Variants in GRXCR1 observed in about 807,000 individuals in gnomAD.
GRXCR1 encodes the protein glutaredoxin and cysteine rich domain containing 1, also known as glutaredoxin domain-containing cysteine-rich protein 1.
In GRXCR1, 27 loss-of-function variants were observed where a neutral mutation model predicts 27.3. The ratio of observed to expected loss-of-function variants is 0.99; its 90% CI spans 0.73 to 1.37. GRXCR1 has a LOEUF of 1.37. Ranked by LOEUF, GRXCR1 falls within the 40% of genes most tolerant of loss-of-function variation. GRXCR1 has a pLI of 0.00. For missense variants in GRXCR1, 379 were observed against 354.4 expected, an observed-to-expected ratio of 1.07 and a Z score of -0.56; for synonymous variants, 122 against 131.1, an observed-to-expected ratio of 0.93 and a Z score of 0.47.
rs116577981 is a variant in GRXCR1, at chr4:42,958,170, C to G, written c.385-4722C>G. ...CATACCAATGCCAGGAATGCTGTGA[C>G]TCTTGCAAACTTTGCTTCTTAACCC... On this transcript the variant is annotated intron_variant, in intron 1 of 3. Coordinates refer to ENST00000399770, the MANE Select transcript of GRXCR1 (RefSeq NM_001080476.3). Among the ~76,000 whole-genome samples, 1,162 of 152,160 alleles carry G rather than the reference C, an allele frequency of 7.6e-3. 4 individuals carry two copies. The highest frequency in any genetic ancestry group is 0.018 in the South Asian group (87 of 4,824).
intron 2 of GRXCR1, among the ~76,000 whole-genome samples, chr4:42,982,883 G>A (rs1273740770): frequency 1.1e-4 from 16 of 151,756 alleles, no homozygotes; most frequent in South Asian, 2.1e-4. Context: ...CATGTCCTTC[G>A]CCCACTTTTT....
At chr4:42,965,312 TAGAG>T (rs1164804929) in intron 2 of GRXCR1, among the ~76,000 whole-genome samples, 3 of 152,070 alleles carry the variant, frequency 2.0e-5, no homozygotes, top group African/African-American at 7.2e-5. Flanking sequence ...GCTCTGAACC[TAGAG>T]AGAGTCCAGA....
At chr4:42,987,264 A>ATAT (rs1302718922) in intron 2 of GRXCR1, among the ~76,000 whole-genome samples, 4 of 101,898 alleles carry the variant, frequency 3.9e-5, no homozygotes, top group Non-Finnish European at 7.6e-5. Flanking sequence ...TATATATAAT[A>ATAT]TATATATATA....
chr4:42,975,498 A>G (rs1016832046), intron 2 of GRXCR1, among the ~76,000 whole-genome samples: 5 of 152,122 alleles, frequency 3.3e-5, no homozygotes, highest in Non-Finnish European at 7.4e-5. Context: ...GTGATTTAAT[A>G]ACACCTAATA....
intron 1 of GRXCR1, among the ~76,000 whole-genome samples, chr4:42,923,494 T>A (rs1348080214): frequency 3.3e-5 from 5 of 152,240 alleles, no homozygotes; most frequent in Non-Finnish European, 5.9e-5. Flanking sequence ...GGACTATTTA[T>A]CCAAATGTTT....
intron 1 of GRXCR1, among the ~76,000 whole-genome samples, chr4:42,906,296 A>G (rs1746589790): frequency 1.3e-5 from 2 of 152,176 alleles, no homozygotes; most frequent in Admixed American, 1.3e-4. Context: ...CCAATTTTAA[A>G]AAGATGTGCA....
At chr4:43,008,056 G>C (rs1006526154) in intron 2 of GRXCR1, among the ~76,000 whole-genome samples, 4 of 151,812 alleles carry the variant, frequency 2.6e-5, no homozygotes, top group Non-Finnish European at 5.9e-5. Flanking sequence ...GTTTTATCTA[G>C]TTTTCATTGA....
chr4:42,987,241 A>ATTATAT (rs1276367661), intron 2 of GRXCR1, among the ~76,000 whole-genome samples: 109 of 66,448 alleles, frequency 1.6e-3, no homozygotes, highest in South Asian at 4.1e-3. Context: ...ATATATATAT[A>ATTATAT]ATATATAATA....
chr4:42,981,763 CCTT>C (rs1748675514), intron 2 of GRXCR1, among the ~76,000 whole-genome samples: 1 of 152,134 alleles, frequency 6.6e-6, no homozygotes, highest in Non-Finnish European at 1.5e-5. Context: ...CCCACTCTCT[CCTT>C]GTCTTATGGT....
chr4:42,918,592 C>G (rs566488355), intron 1 of GRXCR1, among the ~76,000 whole-genome samples: 4 of 152,246 alleles, frequency 2.6e-5, no homozygotes, highest in Admixed American at 2.6e-4. Flanking sequence ...GATGACAACA[C>G]CAAGAATATT....
intron 1 of GRXCR1, among the ~76,000 whole-genome samples, chr4:42,960,099 C>G (rs1748098002): frequency 6.6e-6 from 1 of 151,900 alleles, no homozygotes; most frequent in African/African-American, 2.4e-5. Flanking sequence ...AGGTGGTATA[C>G]ATGGTTTGTT....
At position 42,893,315 on chromosome 4, in the gene GRXCR1, C is replaced by G; in HGVS notation, c.49C>G (p.Arg17Gly). 6.2e-7 allele frequency: 1 copy of G among 1,613,672 alleles called. No individual in the cohort carries two copies. Among genetic ancestry groups the G allele is most frequent in the Non-Finnish European group, 8.5e-7 (1 of 1,179,770 alleles). ...AGAAAGTGACAGGCCACGGAAAGTC[C>G]GGTTTCGGATCGCGTCCTCTCACAG... ...KPESDRPRKV[R>G]FRIASSHSGR... Residue 17 changes from arginine (R) to glycine (G), a missense_variant, in exon 1 of 4, where the codon CGG becomes GGG. Coordinates refer to ENST00000399770, the MANE Select transcript of GRXCR1 (RefSeq NM_001080476.3).
intron 1 of GRXCR1, among the ~76,000 whole-genome samples, chr4:42,905,161 C>G (rs1351619656): frequency 6.6e-6 from 1 of 152,142 alleles, no homozygotes; most frequent in African/African-American, 2.4e-5. Context: ...CCTACCTAGG[C>G]CTTTGCCTTG....
At chr4:42,908,394 C>A (rs1029532770) in intron 1 of GRXCR1, among the ~76,000 whole-genome samples, 14 of 152,118 alleles carry the variant, frequency 9.2e-5, no homozygotes, top group African/African-American at 3.4e-4. Context: ...CTGCATCTTG[C>A]CTGGGCTTGA....
intron 2 of GRXCR1, among the ~76,000 whole-genome samples, chr4:42,991,149 T>C (rs1408133210): frequency 1.3e-5 from 2 of 152,166 alleles, no homozygotes; most frequent in African/African-American, 4.8e-5. Context: ...CAGCTGCCAG[T>C]ATTTTATTTA....
chr4:42,898,939 CTT>C (rs1259605938), intron 1 of GRXCR1, among the ~76,000 whole-genome samples: 3 of 151,974 alleles, frequency 2.0e-5, no homozygotes, highest in Non-Finnish European at 4.4e-5. Context: ...GATTAAGTGA[CTT>C]ATGTAAAAAG....
intron 1 of GRXCR1, among the ~76,000 whole-genome samples, chr4:42,910,360 C>A (rs1188556693): frequency 6.6e-6 from 1 of 152,174 alleles, no homozygotes; most frequent in Non-Finnish European, 1.5e-5. Context: ...CCAGGGCCTT[C>A]TGAGGAATAT....
chr4:42,953,103 C>T (rs760563224), intron 1 of GRXCR1, among the ~76,000 whole-genome samples: 1 of 152,080 alleles, frequency 6.6e-6, no homozygotes, highest in Non-Finnish European at 1.5e-5. Context: ...GTCTGAGGGC[C>T]AAGACTCTGG....
chr4:42,919,246 C>T (rs1314989685), intron 1 of GRXCR1, among the ~76,000 whole-genome samples: 1 of 152,140 alleles, frequency 6.6e-6, no homozygotes, highest in Non-Finnish European at 1.5e-5. Context: ...CAGTTCAGCA[C>T]TGTCTCTACT....
Sources: gnomAD v4.1 joint callset for allele counts (sites outside exome capture counted in the v4.1 genomes callset) on GRCh38, gnomAD v4.1.1 for gene constraint, MANE v1.5 for transcripts, NCBI Gene and HGNC (gene_info 2026-07-23, HGNC 2026-07-21) for gene names.